TRPM3: variants seen among roughly 807,000 people sequenced by gnomAD.
TRPM3 encodes the protein long transient receptor potential channel 3.
A neutral mutation model predicts 181.2 loss-of-function variants in TRPM3; 77 were observed. The observed-to-expected ratio is 0.42, with a 90% CI of 0.35 to 0.51. TRPM3 has a LOEUF of 0.51. TRPM3 is among the 20% of genes least tolerant of loss of function. TRPM3 has a pLI of 0.01. For missense variants in TRPM3, 1,759 were observed against 2,196.7 expected (o/e 0.80, Z 3.98); for synonymous variants, 745 against 796.4 (o/e 0.94, Z 1.09).
chr9:71,202,066 A>AG (rs1191856104), intron 1 of TRPM3, among the ~76,000 whole-genome samples: 4 of 152,170 alleles, frequency 2.6e-5, no homozygotes, highest in Non-Finnish European at 5.9e-5. Flanking sequence ...CCTCAGCTGC[A>AG]GGTCTGTTGG....
chr9:71,111,659 G>A (rs372329109), intron 1 of TRPM3, among the ~76,000 whole-genome samples: 4 of 152,154 alleles, frequency 2.6e-5, no homozygotes, highest in Admixed American at 6.5e-5. Context: ...AGCTTTCAAC[G>A]ACCCTGCAAA....
chr9:71,351,595 A>C (rs2091627636), intron 1 of TRPM3, among the ~76,000 whole-genome samples: 1 of 152,230 alleles, frequency 6.6e-6, no homozygotes, highest in Non-Finnish European at 1.5e-5. Context: ...AAGCAATGAA[A>C]ATGAATGTAG....
chr9:70,810,048 G>C (rs767146880), intron 6 of TRPM3: 1 of 534,658 alleles, frequency 1.9e-6, no homozygotes, highest in Non-Finnish European at 3.8e-6. Flanking sequence ...GGATGACAAA[G>C]GGAAGTCCAC....
chr9:70,535,245 C>T lies in TRPM3; in HGVS notation c.*708G>A. Reference sequence around the variant, plus strand: ...CTCTTCTTTCATTTCGATTGCAATACAAAAAGGCATTTCTGTTCCCTTATT... The same window carrying T: ...CTCTTCTTTCATTTCGATTGCAATATAAAAAGGCATTTCTGTTCCCTTATT... On this transcript the variant is annotated 3_prime_UTR_variant, in exon 26 of 26. Coordinates refer to ENST00000677713, the MANE Select transcript of TRPM3 (RefSeq NM_001366145.2). The T allele has an allele frequency of 1.5e-6, 1 of 668,110 alleles. No homozygotes were observed. Among genetic ancestry groups the T allele is most frequent in the Admixed American group, 3.3e-5 (1 of 30,564 alleles). 41.4% of individuals were successfully genotyped at this position (668,110 alleles called of 1,614,324 possible).
chr9:71,305,828 T>C (rs371227510), intron 1 of TRPM3, among the ~76,000 whole-genome samples: 31 of 152,278 alleles, frequency 2.0e-4, no homozygotes, highest in African/African-American at 6.5e-4. Context: ...TTTACCGCCA[T>C]ATCTGCTCGT....
chr9:70,843,875 T>C (rs1221399059), intron 4 of TRPM3, among the ~76,000 whole-genome samples: 1 of 152,174 alleles, frequency 6.6e-6, no homozygotes, highest in African/African-American at 2.4e-5. Context: ...ATGTATAAGA[T>C]ATATCCTCTA....
chr9:70,556,879 T>C (rs945698630), intron 22 of TRPM3, among the ~76,000 whole-genome samples: 2 of 152,210 alleles, frequency 1.3e-5, no homozygotes, highest in African/African-American at 4.8e-5. Flanking sequence ...CACAAGATAA[T>C]GCATGCAAAG....
intron 9 of TRPM3, among the ~76,000 whole-genome samples, chr9:70,660,142 C>T (rs2060916808): frequency 6.6e-6 from 1 of 152,076 alleles, no homozygotes; most frequent in Non-Finnish European, 1.5e-5. Flanking sequence ...TTCTAAAATG[C>T]TTTCTCCAAA....
At chr9:71,407,417 G>A (rs1055371864) in intron 1 of TRPM3, among the ~76,000 whole-genome samples, 1 of 152,228 alleles carries the variant, frequency 6.6e-6, no homozygotes, top group East Asian at 1.9e-4. Flanking sequence ...AGCACACCAG[G>A]AGATTATATC....
At chr9:71,150,578 TAGAG>T (rs927597078) in intron 1 of TRPM3, among the ~76,000 whole-genome samples, 2 of 152,086 alleles carry the variant, frequency 1.3e-5, no homozygotes, top group African/African-American at 4.8e-5. Context: ...ATCAAAAGCA[TAGAG>T]AAAGAATACA....
chr9:71,397,592 T>A (rs1261139249), intron 1 of TRPM3, among the ~76,000 whole-genome samples: 1 of 152,168 alleles, frequency 6.6e-6, no homozygotes, highest in Non-Finnish European at 1.5e-5. Flanking sequence ...ATACATTCTT[T>A]CCAAAGCAGA....
chr9:70,803,032 G>GT (rs2089606247), intron 6 of TRPM3, among the ~76,000 whole-genome samples: 1 of 24,898 alleles, frequency 4.0e-5, no homozygotes, highest in African/African-American at 1.2e-4. Flanking sequence ...GAGAAATTTT[G>GT]TAAAAAAAAA....
chr9:71,398,086 A>T (rs1439312813), intron 1 of TRPM3, among the ~76,000 whole-genome samples: 1 of 152,218 alleles, frequency 6.6e-6, no homozygotes, highest in Non-Finnish European at 1.5e-5. Flanking sequence ...TAGTAAGCTA[A>T]TCAGCCCCAT....
intron 1 of TRPM3, among the ~76,000 whole-genome samples, chr9:71,277,981 C>T (rs10429502): frequency 0.53 from 80,986 of 152,034 alleles, 21,776 homozygotes; most frequent in African/African-American, 0.62. Flanking sequence ...GAGAGTGGGA[C>T]AGCAATGCAA....
chr9:70,918,553 A>G (rs2096624179), intron 1 of TRPM3, among the ~76,000 whole-genome samples: 1 of 152,198 alleles, frequency 6.6e-6, no homozygotes, highest in Non-Finnish European at 1.5e-5. Flanking sequence ...AGGAAATTAA[A>G]AAATTTCTTG....
At chr9:71,443,487 C>T (rs1449188697) in intron 1 of TRPM3, among the ~76,000 whole-genome samples, 3 of 152,196 alleles carry the variant, frequency 2.0e-5, no homozygotes, top group Non-Finnish European at 4.4e-5. Context: ...GGCAGCACTG[C>T]TTCTGCCTGT....
chr9:70,678,710 C>G (rs1358687284), intron 9 of TRPM3, among the ~76,000 whole-genome samples: 1 of 152,170 alleles, frequency 6.6e-6, no homozygotes, highest in East Asian at 1.9e-4. Flanking sequence ...CTGGATTGCA[C>G]AAAGTTTCTA....
At chr9:70,828,386 C>A (rs1339636781) in intron 5 of TRPM3, among the ~76,000 whole-genome samples, 3 of 152,062 alleles carry the variant, frequency 2.0e-5, no homozygotes, top group African/African-American at 7.2e-5. Context: ...TCTTTCCTTT[C>A]TCTATCATGT....
At chr9:71,406,597 C>T (rs113554116) in intron 1 of TRPM3, among the ~76,000 whole-genome samples, 3,668 of 152,104 alleles carry the variant, frequency 0.024, 66 homozygotes, top group South Asian at 0.069. Flanking sequence ...ATTCTGTTTA[C>T]GGAAAAAGCA....
Sources: gnomAD v4.1 joint callset for allele counts (sites outside exome capture counted in the v4.1 genomes callset) on GRCh38, gnomAD v4.1.1 for gene constraint, MANE v1.5 for transcripts, NCBI Gene and HGNC (gene_info 2026-07-23, HGNC 2026-07-21) for gene names.